Variants in PLCB4 observed in about 807,000 individuals in gnomAD.
The protein encoded by PLCB4 is phospholipase C beta 4, also known as 1-phosphatidylinositol 4,5-bisphosphate phosphodiesterase beta-4.
In PLCB4, 77 loss-of-function variants were observed where a neutral mutation model predicts 178.8. The observed-to-expected ratio is 0.43, with a 90% CI of 0.36 to 0.52. PLCB4 has a LOEUF of 0.52. Ranked by LOEUF, PLCB4 falls within the 20% of genes least tolerant of loss-of-function variation. The pLI, the probability that PLCB4 is intolerant of heterozygous loss-of-function variation, is 0.00. For missense variants in PLCB4, 1,024 were observed against 1,453.4 expected, an observed-to-expected ratio of 0.70 and a Z score of 4.80; for synonymous variants, 496 against 490.8, an observed-to-expected ratio of 1.01 and a Z score of -0.14.
chr20:9,395,371 AT>A, intron 18 of PLCB4, 151 bp from the exon 19 acceptor site: 2 of 570,756 alleles, frequency 3.5e-6, no homozygotes, highest in Non-Finnish European at 3.1e-6. Context: ...CGAGAGAGAG[AT>A]CACTGCTGAA....
intron 35 of PLCB4, among the ~76,000 whole-genome samples, chr20:9,465,954 CA>C (rs1267103103): frequency 6.6e-6 from 1 of 151,990 alleles, no homozygotes; most frequent in Non-Finnish European, 1.5e-5. Flanking sequence ...CATATGGAAC[CA>C]AAAAAGAGCC....
At chr20:9,337,320 G>A in intron 5 of PLCB4, 114 bp downstream of exon 5, 1 of 744,014 alleles carries the variant, frequency 1.3e-6, no homozygotes, top group East Asian at 2.6e-5. Flanking sequence ...ATTCATTCAA[G>A]ATTTTTAAAA....
rs1247032295 is a variant in PLCB4, at chr20:9,476,819, C to T, written c.3532+66C>T. ...CTCGACTACGTCCGTATTCTCTGTG[C>T]AGTCTCCATTTATGAGTCACATCTG... On this transcript the variant is annotated intron_variant, in intron 39 of 39. Transcript: ENST00000378473. 4 of 1,076,910 alleles carry T rather than the reference C, an allele frequency of 3.7e-6. No homozygotes were observed. In the African/African-American group the frequency reaches 6.2e-5, roughly 17 times the overall value. 66.7% of individuals were successfully genotyped at this position (1,076,910 alleles called of 1,614,324 possible).
chr20:9,076,232 C>T (rs146191065), intron 1 of PLCB4, among the ~76,000 whole-genome samples: 12 of 152,108 alleles, frequency 7.9e-5, no homozygotes, highest in East Asian at 1.9e-4. Flanking sequence ...TTTGGGAGGC[C>T]GAGGTAGGTG....
rs1053477960 is a variant in PLCB4, at chr20:9,344,711, T to C, written c.369+5674T>C. Among the ~76,000 whole-genome samples the C allele has an allele frequency of 5.3e-5, 8 of 152,322 alleles. No homozygotes were observed. The South Asian group carries it at 8.3e-4, about 16-fold the overall frequency. On this transcript the variant is annotated intron_variant, in intron 7 of 39. Transcript: ENST00000378473. ...GACAGAACTCTGGGATCCCGTGTGT[T>C]ATTTTTAGAGCCACATTTCAGGATG...
At chr20:9,227,083 C>T (rs2093875366) in intron 3 of PLCB4, among the ~76,000 whole-genome samples, 1 of 151,976 alleles carries the variant, frequency 6.6e-6, no homozygotes, top group African/African-American at 2.4e-5. Context: ...CACCTTTTCA[C>T]TTGCTTGCTG....
chr20:9,284,917 A>G (rs896614057), intron 3 of PLCB4, among the ~76,000 whole-genome samples: 2 of 151,962 alleles, frequency 1.3e-5, no homozygotes, highest in Non-Finnish European at 2.9e-5. Context: ...CCAACTCATT[A>G]TATGTTATAA....
At chr20:9,269,203 G>A (rs1468706402) in intron 3 of PLCB4, among the ~76,000 whole-genome samples, 1 of 152,128 alleles carries the variant, frequency 6.6e-6, no homozygotes, top group East Asian at 1.9e-4. Context: ...TAAAGTCCAC[G>A]GATATGCAAA....
At chr20:9,471,018 A>G (rs2044155577) in intron 36 of PLCB4, among the ~76,000 whole-genome samples, 1 of 152,244 alleles carries the variant, frequency 6.6e-6, no homozygotes, top group Non-Finnish European at 1.5e-5. Flanking sequence ...TCATAGCACT[A>G]AGAAAGATAC....
chr20:9,373,966 T>G (rs1192953280), intron 12 of PLCB4, among the ~76,000 whole-genome samples: 1 of 152,168 alleles, frequency 6.6e-6, no homozygotes, highest in South Asian at 2.1e-4. Flanking sequence ...TATGCTTTTG[T>G]TTCAAAATAA....
intron 3 of PLCB4, among the ~76,000 whole-genome samples, chr20:9,229,908 T>C (rs1456974876): frequency 6.6e-6 from 1 of 151,984 alleles, no homozygotes; most frequent in Non-Finnish European, 1.5e-5. Flanking sequence ...ATTATCAGAG[T>C]GATTATCAGG....
At chr20:9,234,991 T>C (rs935290944) in intron 3 of PLCB4, among the ~76,000 whole-genome samples, 2 of 152,162 alleles carry the variant, frequency 1.3e-5, no homozygotes, top group Non-Finnish European at 2.9e-5. Flanking sequence ...GAATGAAGTG[T>C]AACCATGTTT....
chr20:9,408,367 TAAG>T (rs2039606383), intron 22 of PLCB4, among the ~76,000 whole-genome samples: 1 of 152,210 alleles, frequency 6.6e-6, no homozygotes, highest in Non-Finnish European at 1.5e-5. Context: ...CAAAAAAACA[TAAG>T]AAGTATTTAA....
intron 3 of PLCB4, among the ~76,000 whole-genome samples, chr20:9,249,512 T>G (rs2094158432): frequency 6.6e-6 from 1 of 152,092 alleles, no homozygotes; most frequent in African/African-American, 2.4e-5. Context: ...GACAGGGCCT[T>G]GCTATGTTGC....
chr20:9,155,612 C>T (rs572163545), intron 2 of PLCB4, among the ~76,000 whole-genome samples: 4 of 152,270 alleles, frequency 2.6e-5, no homozygotes, highest in East Asian at 1.9e-4. Flanking sequence ...TCATTGAACA[C>T]GATGGCAGCT....
chr20:9,327,043 G>C (rs759739781), intron 4 of PLCB4, among the ~76,000 whole-genome samples: 1 of 152,144 alleles, frequency 6.6e-6, no homozygotes, highest in African/African-American at 2.4e-5. Flanking sequence ...TTTCTCATCT[G>C]TAAGGTAGGG....
chr20:9,170,732 A>G (rs1330358242), intron 2 of PLCB4, among the ~76,000 whole-genome samples: 6 of 152,154 alleles, frequency 3.9e-5, no homozygotes, highest in African/African-American at 1.2e-4. Flanking sequence ...TCAGGTACCT[A>G]ACAAGGTCTG....
chr20:9,205,604 T>G (rs2093606054), intron 2 of PLCB4, among the ~76,000 whole-genome samples: 1 of 152,248 alleles, frequency 6.6e-6, no homozygotes, highest in Non-Finnish European at 1.5e-5. Context: ...CTGACGTTGA[T>G]GTAATCCACT....
At chr20:9,442,191 T>C (rs1248304724) in intron 30 of PLCB4, among the ~76,000 whole-genome samples, 1 of 152,204 alleles carries the variant, frequency 6.6e-6, no homozygotes, top group Non-Finnish European at 1.5e-5. Flanking sequence ...ATTTAACAAT[T>C]AACTTAAAAG....
Sources: allele counts gnomAD v4.1 joint callset (sites outside exome capture counted in the v4.1 genomes callset), GRCh38; gene constraint gnomAD v4.1.1; transcripts MANE v1.5; gene names NCBI Gene and HGNC (gene_info 2026-07-23, HGNC 2026-07-21).